The following CWF19L2 variants were observed in gnomAD, a reference collection of about 807,000 sequenced individuals.
The protein encoded by CWF19L2 is CWF19-like protein 2.
A neutral mutation model predicts 111.7 loss-of-function variants in CWF19L2; 98 were observed. The observed-to-expected ratio is 0.88, with a 90% CI of 0.75 to 1.04. The LOEUF (loss-of-function observed/expected upper bound fraction) is 1.04, where lower values mean the gene tolerates loss of function less well. Among genes scored for constraint, CWF19L2 ranks in the 50% least tolerant of loss-of-function variants. The pLI is 0.00. For missense variants in CWF19L2, 1,101 were observed against 1,051.4 expected, an observed-to-expected ratio of 1.05 and a Z score of -0.65; for synonymous variants, 351 against 342.9, an observed-to-expected ratio of 1.02 and a Z score of -0.26.
At chr11:107,418,322 T>C in intron 8 of CWF19L2, 35 bp from the exon 9 acceptor site, 1 of 1,359,660 alleles carries the variant, frequency 7.4e-7, no homozygotes, top group Non-Finnish European at 1.1e-6. Context: ...GCATATGAAA[T>C]ATAGGTGCGA....
At chr11:107,359,551 T>C (rs139722083) in intron 12 of CWF19L2, among the ~76,000 whole-genome samples, 99 of 152,264 alleles carry the variant, frequency 6.5e-4, no homozygotes, top group Middle Eastern at 3.4e-3. Context: ...TGTGATAAAC[T>C]AGCAAAATTT....
At chr11:107,453,533 A>C (rs1861809094) in intron 3 of CWF19L2, among the ~76,000 whole-genome samples, 1 of 151,930 alleles carries the variant, frequency 6.6e-6, no homozygotes, top group Admixed American at 6.6e-5. Flanking sequence ...AACCAGCACC[A>C]ATAATCGGGT....
chr11:107,359,275 C>T lies in CWF19L2; in HGVS notation c.1873-5539G>A, dbSNP rs545922209. Among the ~76,000 whole-genome samples, 6 of 152,336 alleles carry T rather than the reference C, an allele frequency of 3.9e-5. No homozygotes were observed. The South Asian group carries it at 6.2e-4, about 16-fold the overall frequency. On this transcript the variant is annotated intron_variant, in intron 12 of 17. Transcript: ENST00000282251. ...TGCTTTCTTCTTACTGGAATAGATA[C>T]TTTGGATATGGATTTGCCTTCCTGG...
chr11:107,420,569 A>G (rs1405899506), intron 8 of CWF19L2, among the ~76,000 whole-genome samples: 1 of 152,098 alleles, frequency 6.6e-6, no homozygotes, highest in African/African-American at 2.4e-5. Context: ...GATAAATATA[A>G]TAGTCCCCCC....
chr11:107,452,154 CAT>C (rs1240646832), intron 3 of CWF19L2, among the ~76,000 whole-genome samples: 6 of 152,112 alleles, frequency 3.9e-5, no homozygotes, highest in Non-Finnish European at 7.4e-5. Flanking sequence ...CTTTTTCACA[CAT>C]GACATACCAT....
intron 14 of CWF19L2, among the ~76,000 whole-genome samples, chr11:107,344,514 T>A (rs764494155): frequency 8.5e-5 from 13 of 152,230 alleles, no homozygotes; most frequent in Middle Eastern, 3.2e-3. Context: ...TGCTTGACAG[T>A]TATTTTCTTT....
intron 12 of CWF19L2, among the ~76,000 whole-genome samples, chr11:107,387,777 A>C (rs1860792211): frequency 6.6e-6 from 1 of 152,166 alleles, no homozygotes; most frequent in African/African-American, 2.4e-5. Context: ...CGCTGATCTG[A>C]CAGAAGGTGG....
chr11:107,448,158 A>T (rs563683481), intron 3 of CWF19L2, among the ~76,000 whole-genome samples: 1 of 152,118 alleles, frequency 6.6e-6, no homozygotes, highest in African/African-American at 2.4e-5. Flanking sequence ...ATCCTGGCCA[A>T]CATGGTGAAA....
intron 12 of CWF19L2, among the ~76,000 whole-genome samples, chr11:107,357,045 C>CGAAATA (rs1555016709): frequency 4.0e-5 from 6 of 150,960 alleles, no homozygotes; most frequent in African/African-American, 1.2e-4. Flanking sequence ...TCTCAAACAA[C>CGAAATA]AAAACAAAAA....
rs1859768830 is a variant in CWF19L2 at position 107,326,891 on chromosome 11, T to C, written c.*19A>G. The C allele has an allele frequency of 8.3e-6, 13 of 1,560,578 alleles. No homozygotes were observed. Among genetic ancestry groups the C allele is most frequent in the Non-Finnish European group, 1.1e-5 (13 of 1,157,830 alleles). Reference sequence around the variant, plus strand: ...ACTGAACGGGATCTGAAGAAAAATTTTAAAATGGAAGGTACACCTCAATAG... The same window carrying C: ...ACTGAACGGGATCTGAAGAAAAATTCTAAAATGGAAGGTACACCTCAATAG... On this transcript the variant is annotated 3_prime_UTR_variant, in exon 18 of 18. Transcript: ENST00000282251.
intron 12 of CWF19L2, among the ~76,000 whole-genome samples, chr11:107,365,154 A>G (rs553236853): frequency 1.4e-5 from 2 of 142,672 alleles, no homozygotes; most frequent in South Asian, 4.4e-4. Context: ...TAGACCAATA[A>G]GAAGAGCTGA....
intron 16 of CWF19L2, 107 bp from the exon 17 acceptor site, chr11:107,330,126 G>A: frequency 1.8e-6 from 1 of 546,798 alleles, no homozygotes; most frequent in South Asian, 3.9e-5. Flanking sequence ...CATTCCTCAA[G>A]ACAAATGTAT....
chr11:107,432,925 CAATA>C (rs1217573676), intron 7 of CWF19L2, among the ~76,000 whole-genome samples: 2 of 151,518 alleles, frequency 1.3e-5, no homozygotes, highest in Non-Finnish European at 2.9e-5. Context: ...ATCTACTGAC[CAATA>C]AATAAAGGAA....
At chr11:107,452,928 G>T (rs1407652369) in intron 3 of CWF19L2, among the ~76,000 whole-genome samples, 5 of 152,212 alleles carry the variant, frequency 3.3e-5, no homozygotes, top group Admixed American at 3.3e-4. Flanking sequence ...AATGAGCCAT[G>T]ATGGTGCCAC....
intron 12 of CWF19L2, among the ~76,000 whole-genome samples, chr11:107,354,468 C>T (rs1169001383): frequency 1.3e-5 from 2 of 152,086 alleles, no homozygotes; most frequent in Admixed American, 6.6e-5. Flanking sequence ...ATACTGCCTG[C>T]GTATCCCTTA....
chr11:107,361,425 T>C (rs535381179), intron 12 of CWF19L2, among the ~76,000 whole-genome samples: 5 of 152,192 alleles, frequency 3.3e-5, no homozygotes, highest in Non-Finnish European at 5.9e-5. Context: ...GTTTTTTTTA[T>C]TGTTTTTGCT....
At chr11:107,410,289 A>T (rs2135392753) in intron 10 of CWF19L2, among the ~76,000 whole-genome samples, 1 of 152,274 alleles carries the variant, frequency 6.6e-6, no homozygotes, top group South Asian at 2.1e-4. Context: ...TTCTAAAAAA[A>T]AACCACTTTG....
chr11:107,434,004 AAG>A (rs562180775), intron 6 of CWF19L2, among the ~76,000 whole-genome samples: 169 of 149,990 alleles, frequency 1.1e-3, no homozygotes, highest in Non-Finnish European at 4.3e-4. Context: ...ATTGCAATCT[AAG>A]AGAATAAGAA....
At chr11:107,334,860 A>G (rs767008203) in intron 16 of CWF19L2, 21 bp downstream of exon 16, 2 of 1,444,554 alleles carry the variant, frequency 1.4e-6, no homozygotes, top group South Asian at 2.3e-5. Context: ...AATTTCTTTT[A>G]CCAGGAAAAA....
Sources: gnomAD v4.1 joint callset for allele counts (sites outside exome capture counted in the v4.1 genomes callset) on GRCh38, gnomAD v4.1.1 for gene constraint, MANE v1.5 for transcripts, NCBI Gene and HGNC (gene_info 2026-07-23, HGNC 2026-07-21) for gene names.